The following COL11A1 variants were observed in gnomAD, a reference collection of about 807,000 sequenced individuals.
COL11A1 encodes collagen alpha-1(XI) chain.
COL11A1 carries 74 observed loss-of-function variants against 265.2 expected under a neutral mutation model. That is an observed-to-expected ratio of 0.28 (90% confidence interval 0.23 to 0.34). COL11A1 has a LOEUF of 0.34. Among genes scored for constraint, COL11A1 ranks in the 10% least tolerant of loss-of-function variants. The pLI is 1.00. For missense variants in COL11A1, 2,165 were observed against 2,263.6 expected, an observed-to-expected ratio of 0.96 and a Z score of 0.88; for synonymous variants, 816 against 727.6, an observed-to-expected ratio of 1.12 and a Z score of -1.96.
At chr1:102,973,928 G>A (rs1325782188) in intron 36 of COL11A1, among the ~76,000 whole-genome samples, 4 of 152,182 alleles carry the variant, frequency 2.6e-5, no homozygotes, top group Admixed American at 6.5e-5. Flanking sequence ...TAAAGTATGG[G>A]TAGTATTGTT....
intron 1 of COL11A1, among the ~76,000 whole-genome samples, chr1:103,101,659 A>G (rs1009495194): frequency 6.6e-6 from 1 of 151,980 alleles, no homozygotes; most frequent in Admixed American, 6.6e-5. Flanking sequence ...TTCTATGAAT[A>G]GGGAGCTTCA....
intron 1 of COL11A1, among the ~76,000 whole-genome samples, chr1:103,102,425 A>G (rs897829011): frequency 2.6e-5 from 4 of 152,008 alleles, no homozygotes; most frequent in Non-Finnish European, 5.9e-5. Flanking sequence ...CTTCTTTGCT[A>G]AGGAACAAAA....
At chr1:102,896,368 A>C (rs1652429207) in intron 57 of COL11A1, among the ~76,000 whole-genome samples, 1 of 152,198 alleles carries the variant, frequency 6.6e-6, no homozygotes, top group African/African-American at 2.4e-5. Flanking sequence ...CTACTAAAAT[A>C]GATCTTTCTT....
At chr1:103,063,164 C>A (rs974286511) in intron 4 of COL11A1, among the ~76,000 whole-genome samples, 1 of 152,018 alleles carries the variant, frequency 6.6e-6, no homozygotes, top group African/African-American at 2.4e-5. Context: ...AGATTCAATA[C>A]ACTCACAATT....
At position 103,025,923 on chromosome 1, in the gene COL11A1, C is replaced by T. The variant is rs1377955663; in HGVS notation, c.897+293G>A. 12 of 1,612,500 alleles carry T rather than the reference C, an allele frequency of 7.4e-6. No individual in the cohort carries two copies. Among genetic ancestry groups the T allele is most frequent in the South Asian group, 1.1e-5 (1 of 91,066 alleles). On this transcript the variant is annotated intron_variant, in intron 6 of 66. Transcript: ENST00000370096. Reference sequence around the variant, plus strand: ...CCTTTGATTTAGTAGCCACTGTCCTCATCTTCTTTTTGAAATTGGATTTCT... The same window carrying T: ...CCTTTGATTTAGTAGCCACTGTCCTTATCTTCTTTTTGAAATTGGATTTCT...
intron 66 of COL11A1, among the ~76,000 whole-genome samples, chr1:102,879,166 A>G (rs554745151): frequency 6.4e-4 from 98 of 152,274 alleles, no homozygotes; most frequent in Admixed American, 1.8e-3. Context: ...TTTCTTATGT[A>G]AAATCTTATG....
intron 28 of COL11A1, among the ~76,000 whole-genome samples, chr1:102,994,686 C>T (rs1355135387): frequency 6.6e-6 from 1 of 151,956 alleles, no homozygotes; most frequent in Admixed American, 6.6e-5. Flanking sequence ...CCAAACCTAC[C>T]AATATTTATG....
chr1:103,032,837 G>A (rs988841464), intron 4 of COL11A1, among the ~76,000 whole-genome samples: 5 of 151,906 alleles, frequency 3.3e-5, no homozygotes, highest in African/African-American at 7.3e-5. Flanking sequence ...AACAGTTATT[G>A]AGCTGTTCAC....
At chr1:102,883,811 A>T (rs1193608714) in intron 63 of COL11A1, among the ~76,000 whole-genome samples, 1 of 151,884 alleles carries the variant, frequency 6.6e-6, no homozygotes, top group Non-Finnish European at 1.5e-5. Flanking sequence ...TATTTTATAA[A>T]AAAAAAAAAC....
intron 51 of COL11A1, 66 bp from the exon 52 acceptor site, chr1:102,914,471 C>G: frequency 7.0e-7 from 1 of 1,436,890 alleles, no homozygotes. Flanking sequence ...TTATGACATT[C>G]TGGAGGTGAA....
chr1:102,881,812 A>G (rs766809139), intron 64 of COL11A1, 47 bp from the exon 65 acceptor site: 17 of 1,363,898 alleles, frequency 1.2e-5, no homozygotes, highest in Non-Finnish European at 1.7e-5. Context: ...AAAATTTACA[A>G]TATAAACAGT....
chr1:103,045,870 G>C (rs1669217593), intron 4 of COL11A1, among the ~76,000 whole-genome samples: 1 of 149,758 alleles, frequency 6.7e-6, no homozygotes, highest in African/African-American at 2.5e-5. Flanking sequence ...TGCAGTGTTT[G>C]GTTTTTTGTC....
At position 102,992,093 on chromosome 1, in the gene COL11A1, T is replaced by A. The variant is rs141995650; in HGVS notation, c.2341-2522A>T. ...CTGACTATAGACAGAATTTTATTTT[T>A]AAATTATTTTTAAAGTGAGAATTCA... is the stretch of plus-strand genomic sequence containing the variant. On this transcript the variant is annotated intron_variant, in intron 28 of 66. Transcript: ENST00000370096. Among the ~76,000 whole-genome samples, 362 of 152,296 alleles carry A rather than the reference T, an allele frequency of 2.4e-3. 2 individuals carry two copies. Among genetic ancestry groups the A allele is most frequent in the African/African-American group, 8.2e-3 (343 of 41,580 alleles).
chr1:102,946,878 G>A lies in COL11A1; in HGVS notation c.3247C>T (p.Pro1083Ser), dbSNP rs759181090. The A allele has an allele frequency of 1.9e-6, 3 of 1,613,508 alleles. No homozygotes were observed. The Admixed American group carries it at 5.0e-5, about 27-fold the overall frequency. ...GCACCTTTCTCTCCAGCTGGACCAG[G>A]AGGACCCTGAGGTCCCGGGCGCCCT... ...LPGRPGPQGP[P>S]GPAGEKGAPG... The change falls in exon 42 of 67, where the codon CCT becomes TCT. Residue 1083 changes from proline (P) to serine (S), a missense_variant. Coordinates refer to ENST00000370096, the MANE Select transcript of COL11A1 (RefSeq NM_001854.4).
chr1:103,092,746 T>C (rs1673426964), intron 1 of COL11A1, among the ~76,000 whole-genome samples: 1 of 152,096 alleles, frequency 6.6e-6, no homozygotes, highest in Non-Finnish European at 1.5e-5. Flanking sequence ...TTGTGTGCTT[T>C]TCATCACATT....
rs1666687155 is a variant in COL11A1 at position 103,017,829 on chromosome 1, A to G, written c.1404T>C (p.Pro468=). Residue 468 remains proline, a synonymous_variant, in exon 11 of 67, where the codon CCT becomes CCC. Transcript: ENST00000370096. The stretch of plus-strand genomic sequence containing the variant: ...ATGTCCATTCACTTACCCTATCGCC[A>G]GGGTCACCAGGGGGTCCAGTGGGGC... ...LQGPTGPPGD[P]GDRGPPGRPG... 2.5e-6 allele frequency: 4 copies of G among 1,612,784 alleles called. No homozygotes were observed. The highest frequency in any genetic ancestry group is 1.3e-5 in the African/African-American group (1 of 74,884).
At position 103,107,389 on chromosome 1, in the gene COL11A1, G is replaced by T. The variant is rs1674782888; in HGVS notation, c.106+684C>A. 2.0e-5 allele frequency among the ~76,000 whole-genome samples: 3 copies of T among 151,838 alleles called. No individual in the cohort carries two copies. In the South Asian group the frequency reaches 6.3e-4, roughly 32 times the overall value. ...AACCTGCAAGAAGAAGCGGAGGGGT[G>T]GGGTGGGGGGAGTCACTGAAATTCA... On this transcript the variant is annotated intron_variant, in intron 1 of 66. Transcript: ENST00000370096.
At chr1:103,096,792 T>G (rs1220333791) in intron 1 of COL11A1, among the ~76,000 whole-genome samples, 3 of 152,012 alleles carry the variant, frequency 2.0e-5, no homozygotes, top group Admixed American at 2.0e-4. Context: ...ATATTAATCT[T>G]AAGAAACAAA....
rs192547086 is a variant in COL11A1 at position 103,064,650 on chromosome 1, C to T, written c.651+9968G>A. Reference sequence around the variant, plus strand: ...AGCTTGCAGTGAGCCTAGGTTGCGCCACTGCACTCAGCCTGGGAGACAGAG... The same window carrying T: ...AGCTTGCAGTGAGCCTAGGTTGCGCTACTGCACTCAGCCTGGGAGACAGAG... On this transcript the variant is annotated intron_variant, in intron 4 of 66. Transcript: ENST00000370096. 4.0e-3 allele frequency among the ~76,000 whole-genome samples: 566 copies of T among 142,340 alleles called. 4 individuals carry two copies. The highest frequency in any genetic ancestry group is 5.3e-3 in the Non-Finnish European group (350 of 66,272). 93.4% of individuals were successfully genotyped at this position (142,340 alleles called of 152,430 possible).
Sources: gnomAD v4.1 joint callset for allele counts (sites outside exome capture counted in the v4.1 genomes callset) on GRCh38, gnomAD v4.1.1 for gene constraint, MANE v1.5 for transcripts, NCBI Gene and HGNC (gene_info 2026-07-23, HGNC 2026-07-21) for gene names.